The following REEP6 variants were observed in gnomAD, a reference collection of about 807,000 sequenced individuals.
REEP6 encodes receptor expression-enhancing protein 6.
In REEP6, 19 loss-of-function variants were observed where a neutral mutation model predicts 22.4. That is an observed-to-expected ratio of 0.85 (90% confidence interval 0.59 to 1.25). REEP6 has a LOEUF of 1.25. Among genes scored for constraint, REEP6 ranks in the 50% most tolerant of loss-of-function variants. REEP6 has a pLI of 0.00. For synonymous variants in REEP6, 121 were observed against 113.6 expected (o/e 1.06, Z -0.41); for missense variants, 273 against 251.9 (o/e 1.08, Z -0.57).
In REEP6 at chr19:1,492,141, G is replaced by A. The variant is rs572748205; in HGVS notation, c.115+757G>A. Reference sequence around the variant, plus strand: ...CTTTAAAACTTTTTTTTGAGACCGAGTCTTGCTCTGCTGCCCAGGCTGGAG... The same window carrying A: ...CTTTAAAACTTTTTTTTGAGACCGAATCTTGCTCTGCTGCCCAGGCTGGAG... On this transcript the variant is annotated intron_variant, in intron 1 of 4. Coordinates refer to ENST00000233596, the MANE Select transcript of REEP6 (RefSeq NM_138393.4). Among the ~76,000 whole-genome samples the A allele has an allele frequency of 3.0e-4, 45 of 152,260 alleles. 1 individual carries two copies. In the East Asian group the frequency reaches 8.7e-3, roughly 29 times the overall value.
rs1412429115 is a variant in REEP6, at chr19:1,496,757, G to A, written c.517+304G>A. 9.5e-6 allele frequency: 6 copies of A among 632,972 alleles called. 1 individual carries two copies. The highest frequency in any genetic ancestry group is 1.6e-5 in the South Asian group (1 of 63,372). 39.2% of individuals were successfully genotyped at this position (632,972 alleles called of 1,614,324 possible). On this transcript the variant is annotated intron_variant, in intron 4 of 4. Transcript: ENST00000233596. ...GTGTGTTTGAGCGTATGTTTGCTGTGTGCACATGTATTATTGTGTGTGCAT... is the reference window on the plus strand; with the variant it reads ...GTGTGTTTGAGCGTATGTTTGCTGTATGCACATGTATTATTGTGTGTGCAT...
At chr19:1,496,549 C>T in intron 4 of REEP6, 96 bp downstream of exon 4, 1 of 1,377,696 alleles carries the variant, frequency 7.3e-7, no homozygotes, top group Non-Finnish European at 1.0e-6. Context: ...TGGCCGCCCC[C>T]TCTCACTGTC....
chr19:1,495,526 G>C lies in REEP6; in HGVS notation c.267G>C (p.Trp89Cys). The C allele has an allele frequency of 6.2e-7, 1 of 1,614,094 alleles. No individual in the cohort carries two copies. Among genetic ancestry groups the C allele is most frequent in the Middle Eastern group, 1.6e-4 (1 of 6,062 alleles). The stretch of plus-strand genomic sequence containing the variant: ...ACGACACTGTGTGGCTCACCTACTG[G>C]GTGGTGTACGCCCTGTTTGGGCTGG... ...KDDDTVWLTY[W>C]VVYALFGLAE... is the part of the protein sequence containing the mutation. Residue 89 changes from tryptophan to cysteine, a missense_variant, in exon 3 of 5, where the codon TGG (tryptophan) becomes TGC (cysteine). Transcript: ENST00000233596.
In REEP6 at chr19:1,497,059, C is replaced by T; in HGVS notation, c.518-115C>T. 1.2e-6 allele frequency: 1 copy of T among 854,906 alleles called. No individual in the cohort carries two copies. Among genetic ancestry groups the T allele is most frequent in the South Asian group, 1.9e-5 (1 of 53,604 alleles). The allele number at this position is 854,906 out of a possible 1,614,324, so 53.0% of individuals were successfully genotyped here. A position where few individuals can be genotyped will look rare whatever the true frequency, so the allele number is the denominator to read the frequency against. ...ACACCATCTCTGCTGAGGGTGGCTG[C>T]CCGGCCCCTCGACTTGTCATGCTCA... is the stretch of plus-strand genomic sequence containing the variant. On this transcript the variant is annotated intron_variant, in intron 4 of 4. Coordinates refer to ENST00000233596, the MANE Select transcript of REEP6 (RefSeq NM_138393.4). The surrounding 1 kb of genome is among the most constrained non-coding windows in gnomAD (Gnocchi z 6.5).
intron 3 of REEP6, 95 bp from the exon 4 acceptor site, chr19:1,496,190 C>A: frequency 7.0e-7 from 1 of 1,431,662 alleles, no homozygotes; most frequent in Non-Finnish European, 9.4e-7. Flanking sequence ...CAGTGCCTGT[C>A]CAGGATGGGC....
chr19:1,496,552 T>C, intron 4 of REEP6, 99 bp downstream of exon 4: 1 of 1,362,404 alleles, frequency 7.3e-7, no homozygotes, highest in Non-Finnish European at 1.0e-6. Context: ...CCGCCCCCTC[T>C]CACTGTCCGC....
Position 1,497,810 on chromosome 19 carries a change from G to A in REEP6, c.*599G>A, listed in dbSNP as rs1044293814. ...GGACCTCTCTGGAGTACACTTCGGA[G>A]TCCACCACCGAGATCACCTGCAGCT... On this transcript the variant is annotated 3_prime_UTR_variant, in exon 5 of 5. Coordinates refer to ENST00000233596, the MANE Select transcript of REEP6 (RefSeq NM_138393.4). This position sits in a 1 kb window ranked among gnomAD's most constrained non-coding sequence, Gnocchi z 6.5. The A allele has an allele frequency of 6.4e-6, 3 of 469,812 alleles. No homozygotes were observed. The highest frequency in any genetic ancestry group is 6.0e-5 in the African/African-American group (3 of 50,010). The allele number at this position is 469,812 out of a possible 1,614,324, so 29.1% of individuals were successfully genotyped here. A position where few individuals can be genotyped will look rare whatever the true frequency, so the allele number is the denominator to read the frequency against.
Position 1,497,253 on chromosome 19 carries a change from G to A in REEP6, c.*42G>A, listed in dbSNP as rs542779174. On this transcript the variant is annotated 3_prime_UTR_variant, in exon 5 of 5. Coordinates refer to ENST00000233596, the MANE Select transcript of REEP6 (RefSeq NM_138393.4). This position sits in a 1 kb window ranked among gnomAD's most constrained non-coding sequence, Gnocchi z 6.5. Reference sequence around the variant, plus strand: ...TCACAAGGACCTCCTGGCTGGTGAGGAGGGGGCCGCGCCAGGCTCCCAGGC... The same window carrying A: ...TCACAAGGACCTCCTGGCTGGTGAGAAGGGGGCCGCGCCAGGCTCCCAGGC... 1.4e-5 allele frequency: 22 copies of A among 1,539,518 alleles called. No individual in the cohort carries two copies. Among genetic ancestry groups the A allele is most frequent in the Middle Eastern group, 3.4e-4 (2 of 5,916 alleles).
rs772765504 is a variant in REEP6, at chr19:1,496,441, A to G, written c.505A>G (p.Ile169Val). Reference sequence around the variant, plus strand: ...GCGAGCCCTGGACGCGGCGGCCGGAATAACCAGGAACGGTGGGTGCTCGCA... The same window carrying G: ...GCGAGCCCTGGACGCGGCGGCCGGAGTAACCAGGAACGGTGGGTGCTCGCA... ...SGRALDAAAG[I>V]TRNVKPSQTP... Residue 169 changes from isoleucine to valine, a missense_variant, in exon 4 of 5, where the codon ATA (isoleucine) becomes GTA (valine). Coordinates refer to ENST00000233596, the MANE Select transcript of REEP6 (RefSeq NM_138393.4). 1.2e-5 allele frequency: 19 copies of G among 1,611,998 alleles called. No individual in the cohort carries two copies. The highest frequency in any genetic ancestry group is 1.7e-5 in the Admixed American group (1 of 59,970).
chr19:1,496,544 G>A (rs772637979), intron 4 of REEP6, 91 bp downstream of exon 4: 12 of 1,432,220 alleles, frequency 8.4e-6, no homozygotes, highest in Admixed American at 3.8e-5. Flanking sequence ...GACTTTGGCC[G>A]CCCCCTCTCA....
rs1319162983 is a variant in REEP6 at position 1,495,307 on chromosome 19, G to T, written c.129G>T (p.Leu43=). ...KRYLAAGAVT[L]LSLYLLFGYG... is the part of the protein sequence containing the mutation. ...TCTCTCCGGCAGGAGCCGTCACTCT[G>T]CTAAGCCTGTATCTGCTGTTCGGCT... The change falls in exon 2 of 5, where the codon CTG becomes CTT. Residue 43 remains leucine (L), a synonymous_variant. Coordinates refer to ENST00000233596, the MANE Select transcript of REEP6 (RefSeq NM_138393.4). 2 of 1,612,808 alleles carry T rather than the reference G, an allele frequency of 1.2e-6. No individual in the cohort carries two copies. Among genetic ancestry groups the T allele is most frequent in the African/African-American group, 1.3e-5 (1 of 74,954 alleles).
chr19:1,493,159 G>A lies in REEP6; in HGVS notation c.115+1775G>A, dbSNP rs376230148. Among the ~76,000 whole-genome samples, 11 of 152,112 alleles carry A rather than the reference G, an allele frequency of 7.2e-5. 1 individual carries two copies. The highest frequency in any genetic ancestry group is 3.3e-4 in the Admixed American group (5 of 15,292). ...TCCCTCCACAGTTCTGATGTCCAAG[G>A]TCATCCTCCCGTCGCTGAAGCTGCA... On this transcript the variant is annotated intron_variant, in intron 1 of 4. Coordinates refer to ENST00000233596, the MANE Select transcript of REEP6 (RefSeq NM_138393.4).
Position 1,497,248 on chromosome 19 carries a change from G to A in REEP6, c.*37G>A, listed in dbSNP as rs2085016915. The A allele has an allele frequency of 3.9e-6, 6 of 1,548,274 alleles. No homozygotes were observed. The highest frequency in any genetic ancestry group is 5.3e-6 in the Non-Finnish European group (6 of 1,142,472). On this transcript the variant is annotated 3_prime_UTR_variant, in exon 5 of 5. Transcript: ENST00000233596. The surrounding 1 kb of genome is among the most constrained non-coding windows in gnomAD (Gnocchi z 6.5). ...GAGCCTCACAAGGACCTCCTGGCTG[G>A]TGAGGAGGGGGCCGCGCCAGGCTCC...
rs540010100 is a variant in REEP6 at position 1,496,494 on chromosome 19, C to G, written c.517+41C>G. The stretch of plus-strand genomic sequence containing the variant: ...CGCCTGGCTGCCTCAGGCCATCTCC[C>G]GGGTCTGGACCTGTCTCTCTCCACC... On this transcript the variant is annotated intron_variant, in intron 4 of 4. Transcript: ENST00000233596. 1.1e-5 allele frequency: 18 copies of G among 1,599,262 alleles called. No individual in the cohort carries two copies. The African/African-American group carries it at 2.0e-4, about 18-fold the overall frequency.
intron 4 of REEP6, 110 bp downstream of exon 4, chr19:1,496,563 C>T (rs1310471951): frequency 8.3e-7 from 1 of 1,211,126 alleles, no homozygotes; most frequent in East Asian, 2.6e-5. Context: ...CACTGTCCGC[C>T]TCTCTCTCTC....
chr19:1,497,051 G>A lies in REEP6; in HGVS notation c.518-123G>A, dbSNP rs1021465577. The A allele has an allele frequency of 1.3e-6, 1 of 745,618 alleles. No homozygotes were observed. Among genetic ancestry groups the A allele is most frequent in the Non-Finnish European group, 2.1e-6 (1 of 471,728 alleles). 46.2% of individuals were successfully genotyped at this position (745,618 alleles called of 1,614,324 possible). On this transcript the variant is annotated intron_variant, in intron 4 of 4. Transcript: ENST00000233596. The surrounding 1 kb of genome is among the most constrained non-coding windows in gnomAD (Gnocchi z 6.5). ...TGTGGTTGACACCATCTCTGCTGAG[G>A]GTGGCTGCCCGGCCCCTCGACTTGT... is the stretch of plus-strand genomic sequence containing the variant.
intron 4 of REEP6, chr19:1,496,752 GC>G (rs1448502741): frequency 3.1e-6 from 2 of 636,926 alleles, no homozygotes; most frequent in Non-Finnish European, 5.9e-6. Context: ...GCGTATGTTT[GC>G]TGTGTGCACA....
chr19:1,493,708 G>GACATACACACACACACACACACAC (rs2084983925), intron 1 of REEP6, among the ~76,000 whole-genome samples: 2 of 140,666 alleles, frequency 1.4e-5, no homozygotes, highest in African/African-American at 5.3e-5. Context: ...GGCTGAGCTG[G>GACATACACACACACACACACACAC]ACACACACAC....
chr19:1,492,073 C>G (rs1055605089), intron 1 of REEP6, among the ~76,000 whole-genome samples: 3 of 152,226 alleles, frequency 2.0e-5, no homozygotes, highest in Non-Finnish European at 2.9e-5. Context: ...AAATCTCTAG[C>G]AAGAGCATGT....
Sources: allele counts gnomAD v4.1 joint callset (sites outside exome capture counted in the v4.1 genomes callset), GRCh38; gene constraint gnomAD v4.1.1; non-coding constraint Gnocchi (gnomAD v3.1); transcripts MANE v1.5; gene names NCBI Gene and HGNC (gene_info 2026-07-23, HGNC 2026-07-21).